Variants in GAS7 observed in about 807,000 individuals in gnomAD.
The protein encoded by GAS7 is growth arrest-specific protein 7.
In GAS7, 28 loss-of-function variants were observed where a neutral mutation model predicts 71.1. The ratio of observed to expected loss-of-function variants is 0.39; its 90% CI spans 0.29 to 0.54. The LOEUF is 0.54. Ranked by LOEUF, GAS7 falls within the 20% of genes least tolerant of loss-of-function variation. The pLI is 0.62. For synonymous variants in GAS7, 258 were observed against 245.8 expected, an observed-to-expected ratio of 1.05 and a Z score of -0.46; for missense variants, 436 against 627.8, an observed-to-expected ratio of 0.69 and a Z score of 3.27.
At chr17:9,980,729 C>T (rs949353640) in intron 3 of GAS7, among the ~76,000 whole-genome samples, 5 of 152,194 alleles carry the variant, frequency 3.3e-5, no homozygotes, top group Non-Finnish European at 5.9e-5. Context: ...CCTCAGGGAG[C>T]TTACAGTCTA....
At chr17:10,007,778 T>C (rs1411465938) in intron 2 of GAS7, among the ~76,000 whole-genome samples, 1 of 152,100 alleles carries the variant, frequency 6.6e-6, no homozygotes, top group African/African-American at 2.4e-5. Context: ...AAGCATATAA[T>C]ATAATGGTTT....
chr17:9,970,591 C>G (rs562769067), intron 3 of GAS7, among the ~76,000 whole-genome samples: 121 of 152,208 alleles, frequency 7.9e-4, no homozygotes, highest in Non-Finnish European at 1.3e-3. Flanking sequence ...GAGATTGCAC[C>G]ACTGCACTCC....
intron 1 of GAS7, among the ~76,000 whole-genome samples, chr17:10,037,336 G>A (rs1043683997): frequency 2.0e-5 from 3 of 152,174 alleles, no homozygotes; most frequent in Non-Finnish European, 2.9e-5. Flanking sequence ...CTATCACTCC[G>A]TTTAGAAAGG....
At chr17:10,168,548 G>A (rs896025170) in intron 1 of GAS7, among the ~76,000 whole-genome samples, 1 of 152,192 alleles carries the variant, frequency 6.6e-6, no homozygotes, top group Non-Finnish European at 1.5e-5. Context: ...GTGGACCGCT[G>A]GAGAGCCACA....
chr17:10,107,092 C>G (rs1343401931), intron 1 of GAS7, among the ~76,000 whole-genome samples: 1 of 152,184 alleles, frequency 6.6e-6, no homozygotes, highest in African/African-American at 2.4e-5. Flanking sequence ...CTTGGAGCTT[C>G]CAGAAGGACC....
intron 2 of GAS7, among the ~76,000 whole-genome samples, chr17:9,988,942 A>G (rs1330491920): frequency 6.9e-6 from 1 of 145,622 alleles, no homozygotes; most frequent in Non-Finnish European, 1.5e-5. Flanking sequence ...TCCGCCTCCC[A>G]GGTTCCCGCC....
intron 1 of GAS7, among the ~76,000 whole-genome samples, chr17:10,149,957 G>A (rs531736188): frequency 3.9e-5 from 6 of 152,216 alleles, no homozygotes; most frequent in Admixed American, 1.3e-4. Context: ...AAGGAGATGG[G>A]GTGAATGGGG....
rs558962923 is a variant in GAS7 at position 10,026,083 on chromosome 17, C to T, written c.184-6186G>A. On this transcript the variant is annotated intron_variant, in intron 1 of 13. Transcript: ENST00000432992. This position sits in a 1 kb window ranked among gnomAD's most constrained non-coding sequence, Gnocchi z 4.5. ...CCATGCTTCAAGCTCAAGTTCAACC[C>T]GGATGCCACCTCCACCTCCGGGACT... 4.9e-6 allele frequency: 4 copies of T among 822,516 alleles called. No individual in the cohort carries two copies. The highest frequency in any genetic ancestry group is 6.2e-5 in the Admixed American group (1 of 16,088). The allele number at this position is 822,516 out of a possible 1,614,324, so 51.0% of individuals were successfully genotyped here. A position where few individuals can be genotyped will look rare whatever the true frequency, so the allele number is the denominator to read the frequency against.
In GAS7 at chr17:9,947,625, T is replaced by A. The variant is rs539700895; in HGVS notation, c.526-642A>T. Among the ~76,000 whole-genome samples the A allele has an allele frequency of 1.4e-4, 21 of 152,074 alleles. No individual in the cohort carries two copies. In the South Asian group the frequency reaches 4.2e-3, roughly 30 times the overall value. ...TGGGCGTAGTGGCGCATGCGTGTAA[T>A]CCCAGCTAGTCGGGAGGCTGAGGGA... On this transcript the variant is annotated intron_variant, in intron 5 of 13. Transcript: ENST00000432992.
chr17:10,035,503 T>C (rs2072726953), intron 1 of GAS7, among the ~76,000 whole-genome samples: 1 of 152,056 alleles, frequency 6.6e-6, no homozygotes, highest in Non-Finnish European at 1.5e-5. Context: ...ACAAGCACCA[T>C]CTCCCTTCCC....
intron 1 of GAS7, among the ~76,000 whole-genome samples, chr17:10,024,830 G>T (rs1454943686): frequency 6.6e-6 from 1 of 152,124 alleles, no homozygotes; most frequent in Non-Finnish European, 1.5e-5. Context: ...GTAATATCAG[G>T]AGGTTTCTAC....
chr17:10,087,530 G>A (rs181867825), intron 1 of GAS7, among the ~76,000 whole-genome samples: 8 of 152,352 alleles, frequency 5.3e-5, no homozygotes, highest in Admixed American at 5.2e-4. Flanking sequence ...GATGAATGAA[G>A]AAAGGAAGGA....
At chr17:10,091,492 A>G (rs1183058179) in intron 1 of GAS7, among the ~76,000 whole-genome samples, 1 of 152,068 alleles carries the variant, frequency 6.6e-6, no homozygotes, top group East Asian at 1.9e-4. Flanking sequence ...GGTTAAAGCG[A>G]TTCTCTTGCC....
intron 2 of GAS7, among the ~76,000 whole-genome samples, chr17:10,005,140 CGCACGCATGCATGCATGTGTGT>C (rs1567879719): frequency 1.9e-4 from 7 of 36,366 alleles, no homozygotes; most frequent in Admixed American, 7.6e-4. Flanking sequence ...CATGTGTGCG[CGCACGCATGCATGCATGTGTGT>C]GCGCACGCAT....
At chr17:10,101,742 T>C (rs2073701111) in intron 1 of GAS7, among the ~76,000 whole-genome samples, 1 of 152,190 alleles carries the variant, frequency 6.6e-6, no homozygotes, top group Admixed American at 6.5e-5. Flanking sequence ...TTCCAGGCAC[T>C]CCCTCTCATT....
intron 1 of GAS7, among the ~76,000 whole-genome samples, chr17:10,131,365 G>A (rs2073995645): frequency 6.6e-6 from 1 of 152,210 alleles, no homozygotes; most frequent in Non-Finnish European, 1.5e-5. Context: ...GCTCACGCCT[G>A]TAATCCCAGC....
chr17:9,926,828 A>G lies in GAS7; in HGVS notation c.886-59T>C. ...CAGGGCATCAGCTGTAAGCCAGTGCAGGGAGGAGGGATGGGAGGGGCACCC... is the reference window on the plus strand; with the variant it reads ...CAGGGCATCAGCTGTAAGCCAGTGCGGGGAGGAGGGATGGGAGGGGCACCC... On this transcript the variant is annotated intron_variant, in intron 9 of 13. Transcript: ENST00000432992. The surrounding 1 kb of genome is among the most constrained non-coding windows in gnomAD (Gnocchi z 5.0). The G allele has an allele frequency of 1.3e-6, 2 of 1,589,090 alleles. No individual in the cohort carries two copies. The highest frequency in any genetic ancestry group is 3.3e-5 in the Admixed American group (2 of 59,922).
intron 1 of GAS7, among the ~76,000 whole-genome samples, chr17:10,188,070 C>A (rs1249986261): frequency 6.6e-6 from 1 of 152,028 alleles, no homozygotes; most frequent in Non-Finnish European, 1.5e-5. Flanking sequence ...ATGGTGAAAC[C>A]CATCTCCACT....
chr17:10,036,755 T>C, intron 1 of GAS7: 1 of 1,205,304 alleles, frequency 8.3e-7, no homozygotes, highest in Non-Finnish European at 1.0e-6. Context: ...TCTGGAGGCC[T>C]TTCTTTTTTT....
Sources: allele counts gnomAD v4.1 joint callset (sites outside exome capture counted in the v4.1 genomes callset), GRCh38; gene constraint gnomAD v4.1.1; non-coding constraint Gnocchi (gnomAD v3.1); transcripts MANE v1.5; gene names NCBI Gene and HGNC (gene_info 2026-07-23, HGNC 2026-07-21).